The following ALG6 variants were observed in gnomAD, a reference collection of about 807,000 sequenced individuals.
ALG6 encodes ALG6 alpha-1,3-glucosyltransferase, also known as dolichyl pyrophosphate Man9GlcNAc2 alpha-1,3-glucosyltransferase.
A neutral mutation model predicts 66.6 loss-of-function variants in ALG6; 46 were observed. The observed-to-expected ratio is 0.69, with a 90% CI of 0.55 to 0.88. ALG6 has a LOEUF of 0.88. ALG6 is among the 40% of genes least tolerant of loss of function. The pLI, the probability that ALG6 is intolerant of heterozygous loss-of-function variation, is 0.00. For missense variants in ALG6, 505 were observed against 586.8 expected (o/e 0.86, Z 1.44); for synonymous variants, 185 against 203.7 (o/e 0.91, Z 0.78).
chr1:63,389,712 C>T (rs1648611344), intron 2 of ALG6, among the ~76,000 whole-genome samples: 5 of 152,236 alleles, frequency 3.3e-5, no homozygotes, highest in Admixed American at 3.3e-4. Context: ...ACCCATCCTT[C>T]TTGGGAAGGC....
chr1:63,390,516 A>G (rs1361936233), intron 2 of ALG6, among the ~76,000 whole-genome samples: 1 of 152,064 alleles, frequency 6.6e-6, no homozygotes, highest in Non-Finnish European at 1.5e-5. Flanking sequence ...CTGGTGTCTT[A>G]CTAGGTCATG....
At chr1:63,416,325 G>A (rs1644545978) in intron 11 of ALG6, among the ~76,000 whole-genome samples, 1 of 151,972 alleles carries the variant, frequency 6.6e-6, no homozygotes, top group South Asian at 2.1e-4. Context: ...ATCTCGGGGG[G>A]AGATTTTAGA....
chr1:63,412,101 C>T, intron 9 of ALG6, 40 bp downstream of exon 9: 3 of 1,613,356 alleles, frequency 1.9e-6, no homozygotes, highest in Non-Finnish European at 1.7e-6. Context: ...GTTACTGTAC[C>T]TTACCTGTGA....
chr1:63,428,647 C>A, intron 12 of ALG6, 86 bp from the exon 13 acceptor site: 2 of 1,035,158 alleles, frequency 1.9e-6, no homozygotes, highest in Non-Finnish European at 2.8e-6. Flanking sequence ...GAAAATCAGA[C>A]AGATAAAATG....
chr1:63,394,521 C>T (rs1183424896), intron 2 of ALG6, among the ~76,000 whole-genome samples: 2 of 152,122 alleles, frequency 1.3e-5, no homozygotes, highest in African/African-American at 2.4e-5. Context: ...CAGATGCCCA[C>T]CACCACCCTG....
intron 11 of ALG6, among the ~76,000 whole-genome samples, chr1:63,416,256 G>T (rs1249937056): frequency 6.6e-6 from 1 of 151,932 alleles, no homozygotes; most frequent in East Asian, 1.9e-4. Context: ...AAAACAGATG[G>T]TATTAAGTTC....
intron 14 of ALG6, among the ~76,000 whole-genome samples, chr1:63,435,618 C>T (rs1223610605): frequency 6.6e-6 from 1 of 152,112 alleles, no homozygotes; most frequent in Non-Finnish European, 1.5e-5. Context: ...TACCTGTGTA[C>T]TGTGCTAGGG....
At position 63,438,090 on chromosome 1, in the gene ALG6, T is replaced by G. The variant is rs1167526717; in HGVS notation, c.*1070T>G. 6.6e-6 allele frequency: 1 copy of G among 152,154 alleles called. No individual in the cohort carries two copies. Among genetic ancestry groups the G allele is most frequent in the Non-Finnish European group, 1.5e-5 (1 of 68,018 alleles). The allele number at this position is 152,154 out of a possible 1,614,324, so 9.4% of individuals were successfully genotyped here. A position where few individuals can be genotyped will look rare whatever the true frequency, so the allele number is the denominator to read the frequency against. ...TCATAAGATAGCCATTAAACTATAT[T>G]AAGTGGTGGTATATTTTAATATAGT... On this transcript the variant is annotated 3_prime_UTR_variant, in exon 15 of 15. Transcript: ENST00000263440.
chr1:63,426,112 G>C (rs191077886), intron 12 of ALG6, among the ~76,000 whole-genome samples: 28 of 152,310 alleles, frequency 1.8e-4, no homozygotes, highest in Non-Finnish European at 3.2e-4. Flanking sequence ...GAGAGTGATA[G>C]TGAGAAAGGA....
intron 9 of ALG6, among the ~76,000 whole-genome samples, chr1:63,413,504 G>A (rs879136146): frequency 6.6e-6 from 1 of 152,198 alleles, no homozygotes; most frequent in African/African-American, 2.4e-5. Flanking sequence ...CTGCACAGCT[G>A]TAAGTCAAGC....
chr1:63,428,333 T>G (rs965726184), intron 12 of ALG6: 2 of 162,220 alleles, frequency 1.2e-5, no homozygotes, highest in Non-Finnish European at 2.7e-5. Context: ...CGGAGTAATA[T>G]GTAACATGAA....
intron 14 of ALG6, chr1:63,429,464 A>G (rs1363123164): frequency 9.8e-6 from 2 of 204,716 alleles, no homozygotes; most frequent in Non-Finnish European, 2.0e-5. Flanking sequence ...GGAATGTATT[A>G]GTCTGTGATA....
At chr1:63,392,957 T>C (rs1648714388) in intron 2 of ALG6, among the ~76,000 whole-genome samples, 1 of 152,250 alleles carries the variant, frequency 6.6e-6, no homozygotes, top group African/African-American at 2.4e-5. Flanking sequence ...AGAGTCATTA[T>C]CCATTCTTCT....
intron 14 of ALG6, among the ~76,000 whole-genome samples, chr1:63,435,951 G>C (rs1397627): frequency 0.27 from 40,930 of 151,978 alleles, 7,572 homozygotes; most frequent in African/African-American, 0.53. Flanking sequence ...TTACTACTCA[G>C]CTTGGTATTT....
intron 12 of ALG6, among the ~76,000 whole-genome samples, chr1:63,420,297 A>G (rs1290462471): frequency 1.3e-5 from 2 of 152,094 alleles, no homozygotes; most frequent in African/African-American, 4.8e-5. Flanking sequence ...AGAGCTTACC[A>G]CTATTGTATG....
At chr1:63,411,096 CTCTA>C (rs765303020) in intron 7 of ALG6, 46 bp from the exon 8 acceptor site, 5 of 1,589,826 alleles carry the variant, frequency 3.1e-6, no homozygotes, top group Non-Finnish European at 4.3e-6. Context: ...TTTTTAAAAG[CTCTA>C]TCTTTTTAAA....
At chr1:63,379,393 T>C (rs1306431249) in intron 2 of ALG6, among the ~76,000 whole-genome samples, 2 of 152,218 alleles carry the variant, frequency 1.3e-5, no homozygotes, top group Non-Finnish European at 2.9e-5. Flanking sequence ...AGGACTCTTT[T>C]TCGTTTTTCC....
Position 63,385,655 on chromosome 1 carries a change from G to A in ALG6, c.83-10858G>A, listed in dbSNP as rs1249206568. ...GCATACAGAAGTACTAGTGATTTTT[G>A]TATGTTGATTTTTTATGCTGTGACT... On this transcript the variant is annotated intron_variant, in intron 2 of 14. Coordinates refer to ENST00000263440, the MANE Select transcript of ALG6 (RefSeq NM_013339.4). 2.0e-5 allele frequency among the ~76,000 whole-genome samples: 3 copies of A among 152,092 alleles called. No homozygotes were observed. In the South Asian group the frequency reaches 6.2e-4, roughly 32 times the overall value.
At position 63,371,148 on chromosome 1, in the gene ALG6, T is replaced by G. The variant is rs11577809; in HGVS notation, c.82+89T>G. ...GAAAAGTTTACCATTTTCTGACCAG[T>G]ACAGAGAAGAATTTCAGGCCTTTTT... On this transcript the variant is annotated intron_variant, in intron 2 of 14. Coordinates refer to ENST00000263440, the MANE Select transcript of ALG6 (RefSeq NM_013339.4). The G allele has an allele frequency of 0.018, 15,499 of 861,376 alleles. 265 individuals are homozygous for G. The highest frequency in any genetic ancestry group is 0.055 in the African/African-American group (3,283 of 59,364). The allele number at this position is 861,376 out of a possible 1,614,324, so 53.4% of individuals were successfully genotyped here. A position where few individuals can be genotyped will look rare whatever the true frequency, so the allele number is the denominator to read the frequency against.
Sources: gnomAD v4.1 joint callset for allele counts (sites outside exome capture counted in the v4.1 genomes callset) on GRCh38, gnomAD v4.1.1 for gene constraint, MANE v1.5 for transcripts, NCBI Gene and HGNC (gene_info 2026-07-23, HGNC 2026-07-21) for gene names.